Variants in EYS observed in about 807,000 individuals in gnomAD.
The protein encoded by EYS is protein eyes shut homolog.
Under a neutral mutation model 282.1 loss-of-function variants are expected in EYS, and 250 were observed. The observed-to-expected ratio is 0.89, with a 90% confidence interval of 0.80 to 0.98. EYS has a LOEUF of 0.98. Ranked by LOEUF, EYS falls within the 50% of genes least tolerant of loss-of-function variation. The pLI is 0.00. For missense variants in EYS, 4,016 were observed against 3,709.0 expected, an observed-to-expected ratio of 1.08 and a Z score of -2.15; for synonymous variants, 1,355 against 1,282.9, an observed-to-expected ratio of 1.06 and a Z score of -1.20.
intron 5 of EYS, among the ~76,000 whole-genome samples, chr6:65,424,790 G>A (rs899338313): frequency 6.6e-6 from 1 of 152,016 alleles, no homozygotes; most frequent in African/African-American, 2.4e-5. Context: ...GGAAGAAATA[G>A]TATGCCTTCA....
chr6:65,598,458 C>A (rs1480223803), intron 2 of EYS, among the ~76,000 whole-genome samples: 1 of 151,912 alleles, frequency 6.6e-6, no homozygotes, highest in Non-Finnish European at 1.5e-5. Flanking sequence ...TGGAGTATAG[C>A]CAATCAAACA....
chr6:63,895,664 A>G (rs1413181605), intron 35 of EYS, among the ~76,000 whole-genome samples: 1 of 152,198 alleles, frequency 6.6e-6, no homozygotes, highest in African/African-American at 2.4e-5. Flanking sequence ...CTCATCACAT[A>G]CAGAGTAAAA....
chr6:64,800,078 A>G (rs1774491066), intron 22 of EYS, among the ~76,000 whole-genome samples: 1 of 152,008 alleles, frequency 6.6e-6, no homozygotes, highest in Non-Finnish European at 1.5e-5. Context: ...AGCTTAGAAA[A>G]CTTTTATGGA....
At chr6:64,929,797 T>A (rs192961633) in intron 15 of EYS, among the ~76,000 whole-genome samples, 1 of 152,270 alleles carries the variant, frequency 6.6e-6, no homozygotes, top group East Asian at 1.9e-4. Context: ...AACGTATGTA[T>A]GATTATATAC....
intron 22 of EYS, among the ~76,000 whole-genome samples, chr6:64,806,848 A>G (rs1038926314): frequency 2.6e-5 from 4 of 152,166 alleles, no homozygotes; most frequent in African/African-American, 7.2e-5. Context: ...AGGGTTTCAC[A>G]TATTAAAAAC....
chr6:64,457,577 G>A (rs572765927), intron 26 of EYS, among the ~76,000 whole-genome samples: 9 of 151,954 alleles, frequency 5.9e-5, no homozygotes, highest in Admixed American at 2.6e-4. Context: ...ATATCCTCTT[G>A]TTGAATTGAC....
intron 1 of EYS, among the ~76,000 whole-genome samples, chr6:65,667,853 T>C (rs529674312): frequency 6.6e-6 from 1 of 152,018 alleles, no homozygotes; most frequent in South Asian, 2.1e-4. Context: ...GTTGATATGC[T>C]AATATGAAGA....
At chr6:64,618,579 T>C (rs1262543696) in intron 23 of EYS, among the ~76,000 whole-genome samples, 4 of 152,214 alleles carry the variant, frequency 2.6e-5, no homozygotes, top group African/African-American at 9.6e-5. Flanking sequence ...TCTTCCCTGA[T>C]AAATTGTAAC....
intron 26 of EYS, among the ~76,000 whole-genome samples, chr6:64,518,769 G>A (rs1475042992): frequency 7.0e-6 from 1 of 142,480 alleles, no homozygotes; most frequent in African/African-American, 2.6e-5. Flanking sequence ...GCTCTGACGG[G>A]TTTATAAGGG....
At chr6:63,976,494 G>A (rs1405030054) in intron 35 of EYS, among the ~76,000 whole-genome samples, 2 of 151,986 alleles carry the variant, frequency 1.3e-5, no homozygotes, top group East Asian at 3.9e-4. Flanking sequence ...TTTGATGGAG[G>A]CGCAAATGAA....
chr6:64,750,492 A>G (rs1215691024), intron 22 of EYS, among the ~76,000 whole-genome samples: 3 of 151,778 alleles, frequency 2.0e-5, no homozygotes, highest in Non-Finnish European at 4.4e-5. Context: ...TTTTTACTAT[A>G]ATATGTCATC....
At chr6:65,613,408 C>G (rs533781270) in intron 2 of EYS, among the ~76,000 whole-genome samples, 43 of 151,760 alleles carry the variant, frequency 2.8e-4, no homozygotes, top group Non-Finnish European at 5.9e-4. Flanking sequence ...TAATTATGAA[C>G]ATAAAAAGGA....
chr6:65,205,156 C>G (rs1264059739), intron 12 of EYS, among the ~76,000 whole-genome samples: 1 of 148,840 alleles, frequency 6.7e-6, no homozygotes, highest in African/African-American at 2.5e-5. Context: ...ATGAGAGAAC[C>G]TATAGGGGGT....
At chr6:65,385,431 G>A (rs1341101368) in intron 7 of EYS, among the ~76,000 whole-genome samples, 2 of 151,862 alleles carry the variant, frequency 1.3e-5, no homozygotes, top group Non-Finnish European at 2.9e-5. Flanking sequence ...GAGGCACACA[G>A]CTTTGCATTT....
At chr6:65,414,141 GC>G (rs1767136297) in intron 5 of EYS, among the ~76,000 whole-genome samples, 1 of 152,098 alleles carries the variant, frequency 6.6e-6, no homozygotes, top group Non-Finnish European at 1.5e-5. Flanking sequence ...AGAGAAAACA[GC>G]AAATGCAAAG....
intron 26 of EYS, among the ~76,000 whole-genome samples, chr6:64,464,620 T>C (rs73767815): frequency 0.052 from 7,872 of 152,034 alleles, 687 homozygotes; most frequent in African/African-American, 0.18. Flanking sequence ...CAACAAAAAT[T>C]GGTAATGTCT....
intron 28 of EYS, among the ~76,000 whole-genome samples, chr6:64,421,860 G>GGTGTGT (rs58632994): frequency 7.2e-6 from 1 of 138,268 alleles, no homozygotes; most frequent in Non-Finnish European, 1.6e-5. Context: ...TTGTTTGGGG[G>GGTGTGT]GTGTGTGTGT....
At chr6:64,420,001 A>G (rs1026008036) in intron 28 of EYS, among the ~76,000 whole-genome samples, 10 of 152,206 alleles carry the variant, frequency 6.6e-5, no homozygotes, top group Non-Finnish European at 1.3e-4. Flanking sequence ...GTTCTCCATG[A>G]GGGCTCTGCC....
chr6:65,496,729 A>G (rs1242872392), intron 2 of EYS, among the ~76,000 whole-genome samples: 1 of 152,126 alleles, frequency 6.6e-6, no homozygotes, highest in Admixed American at 6.6e-5. Context: ...TTCATCCAGC[A>G]GGTAAGTGGT....
Sources: allele counts gnomAD v4.1 joint callset (sites outside exome capture counted in the v4.1 genomes callset), GRCh38; gene constraint gnomAD v4.1.1; transcripts MANE v1.5; gene names NCBI Gene and HGNC (gene_info 2026-07-23, HGNC 2026-07-21).